The following ESYT2 variants were observed in gnomAD, a reference collection of about 807,000 sequenced individuals.
The protein encoded by ESYT2 is extended synaptotagmin-2.
A neutral mutation model predicts 107.2 loss-of-function variants in ESYT2; 54 were observed. The ratio of observed to expected loss-of-function variants is 0.50; its 90% CI spans 0.40 to 0.63. The LOEUF (loss-of-function observed/expected upper bound fraction) is 0.63. ESYT2 is among the 30% of genes least tolerant of loss of function. ESYT2 has a pLI of 0.00. For missense variants in ESYT2, 1,020 were observed against 1,094.5 expected (o/e 0.93, Z 0.96); for synonymous variants, 491 against 434.1 (o/e 1.13, Z -1.63).
intron 10 of ESYT2, 59 bp downstream of exon 10, chr7:158,763,024 A>G: frequency 3.3e-6 from 4 of 1,218,468 alleles, no homozygotes; most frequent in Non-Finnish European, 4.7e-6. Flanking sequence ...ACTTTTGATT[A>G]TTAAACAAAA....
intron 1 of ESYT2, among the ~76,000 whole-genome samples, chr7:158,815,963 T>C (rs1840139673): frequency 6.6e-6 from 1 of 152,126 alleles, no homozygotes; most frequent in South Asian, 2.1e-4. Context: ...CAGGGTAGTG[T>C]GGGAAGCTGA....
At chr7:158,787,857 A>T in intron 6 of ESYT2, 147 bp downstream of exon 6, 1 of 602,768 alleles carries the variant, frequency 1.7e-6, no homozygotes, top group Non-Finnish European at 3.0e-6. Flanking sequence ...GCACAAAGAA[A>T]TACAAAAAAC....
At chr7:158,752,500 C>T (rs1837618623) in intron 14 of ESYT2, among the ~76,000 whole-genome samples, 1 of 152,164 alleles carries the variant, frequency 6.6e-6, no homozygotes, top group Admixed American at 6.5e-5. Context: ...AATTCAAATC[C>T]AATTAAAATA....
At chr7:158,763,435 C>T (rs1306346598) in intron 9 of ESYT2, among the ~76,000 whole-genome samples, 1 of 151,996 alleles carries the variant, frequency 6.6e-6, no homozygotes, top group Admixed American at 6.6e-5. Flanking sequence ...GCTGGGATTA[C>T]AGGCATGTGC....
chr7:158,746,571 A>C (rs1264785151), intron 16 of ESYT2, among the ~76,000 whole-genome samples: 1 of 152,178 alleles, frequency 6.6e-6, no homozygotes, highest in Non-Finnish European at 1.5e-5. Flanking sequence ...ATACTGGCAT[A>C]AAGACAGACA....
rs190289728 is a variant in ESYT2 at position 158,804,412 on chromosome 7, A to G, written c.331-5340T>C. On this transcript the variant is annotated intron_variant, in intron 1 of 22. Coordinates refer to ENST00000275418, the MANE Select transcript of ESYT2 (RefSeq NM_001367773.1). Reference sequence around the variant, plus strand: ...GTGACAAACCCAAACTGTTGAGAAAAGTGAGGCACGTGACAAACCCAAACT... The same window carrying G: ...GTGACAAACCCAAACTGTTGAGAAAGGTGAGGCACGTGACAAACCCAAACT... Among the ~76,000 whole-genome samples the G allele has an allele frequency of 3.0e-3, 358 of 120,192 alleles. 4 individuals are homozygous for G. The highest frequency in any genetic ancestry group is 0.012 in the Middle Eastern group (2 of 164). The allele number at this position is 120,192 out of a possible 152,430, so 78.9% of individuals were successfully genotyped here.
At chr7:158,825,986 A>C (rs1393585239) in intron 1 of ESYT2, among the ~76,000 whole-genome samples, 1 of 151,428 alleles carries the variant, frequency 6.6e-6, no homozygotes, top group Non-Finnish European at 1.5e-5. Context: ...AAAGTTTGAG[A>C]CCAGCCTGGA....
intron 13 of ESYT2, among the ~76,000 whole-genome samples, chr7:158,754,893 A>C (rs1837699669): frequency 6.6e-6 from 1 of 152,128 alleles, no homozygotes; most frequent in Admixed American, 6.6e-5. Flanking sequence ...TGGAGATTAA[A>C]CAAGTAGCAA....
rs373747259 is a variant in ESYT2 at position 158,799,026 on chromosome 7, C to T, written c.372+5G>A. On this transcript the variant is annotated splice_donor_5th_base_variant and intron_variant, in intron 2 of 22. Transcript: ENST00000275418. ...TGGATGGTAGTTGGTATACTCTAAT[C>T]TTACCTTATTTAGCCATTCTGCTCT... is the stretch of plus-strand genomic sequence containing the variant. The T allele has an allele frequency of 4.0e-5, 64 of 1,612,852 alleles. No individual in the cohort carries two copies. Among genetic ancestry groups the T allele is most frequent in the Non-Finnish European group, 5.2e-5 (61 of 1,179,076 alleles).
intron 1 of ESYT2, among the ~76,000 whole-genome samples, chr7:158,811,574 C>A (rs917846123): frequency 1.3e-5 from 2 of 152,232 alleles, no homozygotes; most frequent in African/African-American, 4.8e-5. Context: ...CACAAGCTCC[C>A]GCACATGTGC....
rs1836816354 is a variant in ESYT2 at position 158,733,581 on chromosome 7, CAAT to C, written c.*623_*625del. 6.6e-6 allele frequency: 1 copy of C among 152,188 alleles called. No homozygotes were observed. The highest frequency in any genetic ancestry group is 2.4e-5 in the African/African-American group (1 of 41,444). The allele number at this position is 152,188 out of a possible 1,614,324, so 9.4% of individuals were successfully genotyped here. A position where few individuals can be genotyped will look rare whatever the true frequency, so the allele number is the denominator to read the frequency against. Reference sequence around the variant, plus strand: ...CTTATAAGCCCTTCAACTTACTTCTCAATAATACATCCTTATATTTATGAAAAT... The same window carrying C: ...CTTATAAGCCCTTCAACTTACTTCTCAATACATCCTTATATTTATGAAAAT... On this transcript the variant is annotated 3_prime_UTR_variant, in exon 23 of 23. Transcript: ENST00000275418.
In ESYT2 at chr7:158,764,756, A is replaced by T. The variant is rs759869838; in HGVS notation, c.1022T>A (p.Ile341Asn). 5.6e-6 allele frequency: 9 copies of T among 1,614,176 alleles called. No individual in the cohort carries two copies. Among genetic ancestry groups the T allele is most frequent in the Non-Finnish European group, 7.6e-6 (9 of 1,180,036 alleles). ...GAAGATTTGGTTGCCAACTCTAATG[A>T]TTCCATAGGGGTCTGACTTTCCCTT... The part of the protein sequence containing the change: ...LVKGKSDPYG[I>N]IRVGNQIFQS... The change falls in exon 9 of 23, where the codon ATC becomes AAC. Residue 341 changes from isoleucine (I) to asparagine (N), a missense_variant. Ile to Asn is a moderately radical substitution (Grantham distance 149). Transcript: ENST00000275418.
intron 6 of ESYT2, among the ~76,000 whole-genome samples, chr7:158,777,439 G>A (rs1375875973): frequency 1.3e-5 from 2 of 152,178 alleles, no homozygotes; most frequent in Non-Finnish European, 2.9e-5. Context: ...CTGGTAGGAG[G>A]TGATTGGCGT....
chr7:158,815,445 G>A (rs1840124408), intron 1 of ESYT2, among the ~76,000 whole-genome samples: 1 of 148,670 alleles, frequency 6.7e-6, no homozygotes, highest in Non-Finnish European at 1.5e-5. Flanking sequence ...CCTCCCCAAA[G>A]CTATTCCCCT....
At chr7:158,811,733 T>C (rs773841760) in intron 1 of ESYT2, among the ~76,000 whole-genome samples, 1 of 152,072 alleles carries the variant, frequency 6.6e-6, no homozygotes, top group Admixed American at 6.6e-5. Context: ...TCCAGAGAAA[T>C]GTGGCTGAGA....
At chr7:158,770,883 T>G (rs1341393853) in intron 7 of ESYT2, among the ~76,000 whole-genome samples, 1 of 152,060 alleles carries the variant, frequency 6.6e-6, no homozygotes, top group African/African-American at 2.4e-5. Flanking sequence ...GATGCAGTGG[T>G]ACAAGTCTAT....
chr7:158,794,027 G>T (rs767445162), intron 3 of ESYT2, among the ~76,000 whole-genome samples: 14 of 152,192 alleles, frequency 9.2e-5, no homozygotes, highest in Non-Finnish European at 1.6e-4. Flanking sequence ...ATAAGCACTG[G>T]GTATGATTGC....
chr7:158,821,902 T>C (rs1840295796), intron 1 of ESYT2, among the ~76,000 whole-genome samples: 1 of 152,184 alleles, frequency 6.6e-6, no homozygotes, highest in Non-Finnish European at 1.5e-5. Context: ...CCCTAGCATG[T>C]CCGTAAATTT....
At chr7:158,791,209 TTG>T (rs1184388560) in intron 4 of ESYT2, among the ~76,000 whole-genome samples, 2 of 152,152 alleles carry the variant, frequency 1.3e-5, no homozygotes, top group African/African-American at 4.8e-5. Context: ...CGCTGTCCCT[TTG>T]TGTCTGGCTT....
Sources: allele counts gnomAD v4.1 joint callset (sites outside exome capture counted in the v4.1 genomes callset), GRCh38; gene constraint gnomAD v4.1.1; transcripts MANE v1.5; gene names NCBI Gene and HGNC (gene_info 2026-07-23, HGNC 2026-07-21).